GPHN: variants seen among roughly 807,000 people sequenced by gnomAD.
The protein encoded by GPHN is gephyrin.
GPHN carries 17 observed loss-of-function variants against 95.5 expected under a neutral mutation model. The observed-to-expected ratio is 0.18, with a 90% CI of 0.12 to 0.27. GPHN has a LOEUF of 0.27. Among genes scored for constraint, GPHN ranks in the 10% least tolerant of loss-of-function variants. The probability of loss-of-function intolerance (pLI) is 1.00; values close to 1 mark genes in which losing one functional copy is unlikely to be tolerated. For missense variants in GPHN, 660 were observed against 978.1 expected, an observed-to-expected ratio of 0.67 and a Z score of 4.34; for synonymous variants, 320 against 322.5, an observed-to-expected ratio of 0.99 and a Z score of 0.08.
intron 5 of GPHN, among the ~76,000 whole-genome samples, chr14:66,897,537 G>A (rs1372176625): frequency 6.6e-6 from 1 of 151,876 alleles, no homozygotes; most frequent in African/African-American, 2.4e-5. Flanking sequence ...CTATTTTCTA[G>A]TTCAATATTT....
the GPHN span, among the ~76,000 whole-genome samples, chr14:67,229,647 T>C: frequency 4.6e-5 from 7 of 152,168 alleles, no homozygotes; most frequent in African/African-American, 1.7e-4. Flanking sequence ...GATTTGGAAG[T>C]CTTTGAGAAA....
At chr14:67,020,675 T>C (rs1314060482) in intron 9 of GPHN, among the ~76,000 whole-genome samples, 1 of 152,178 alleles carries the variant, frequency 6.6e-6, no homozygotes, top group East Asian at 1.9e-4. Flanking sequence ...ATTTTCTCCA[T>C]TGACTTTAAT....
chr14:66,558,015 T>C (rs1594955629), intron 1 of GPHN, among the ~76,000 whole-genome samples: 1 of 152,254 alleles, frequency 6.6e-6, no homozygotes, highest in Admixed American at 6.5e-5. Context: ...TTTAAGTATA[T>C]AATTATTATT....
At chr14:67,688,555 G>A in the GPHN span, among the ~76,000 whole-genome samples, 1 of 151,732 alleles carries the variant, frequency 6.6e-6, no homozygotes, top group East Asian at 1.9e-4. Context: ...AAATGAAGGT[G>A]GTTTTTCACC....
At chr14:67,534,450 G>C in the GPHN span, among the ~76,000 whole-genome samples, 11 of 152,146 alleles carry the variant, frequency 7.2e-5, no homozygotes, top group African/African-American at 2.7e-4. Flanking sequence ...GCTGGGTGTG[G>C]TGGTGTGGGC....
At chr14:66,889,703 A>T (rs542830546) in intron 5 of GPHN, among the ~76,000 whole-genome samples, 1 of 152,098 alleles carries the variant, frequency 6.6e-6, no homozygotes, top group African/African-American at 2.4e-5. Flanking sequence ...CTATAAGTTA[A>T]GAAACTAGAA....
chr14:66,516,934 A>G (rs1057152878), intron 1 of GPHN, among the ~76,000 whole-genome samples: 1 of 152,002 alleles, frequency 6.6e-6, no homozygotes, highest in African/African-American at 2.4e-5. Context: ...GATTGAGACC[A>G]TCCTGGCCAA....
chr14:67,559,688 A>C, the GPHN span: 39 of 1,602,084 alleles, frequency 2.4e-5, no homozygotes, highest in Admixed American at 4.9e-4. Context: ...TCAAGTTGGC[A>C]AAGGTGGGTT....
chr14:66,674,364 C>T (rs957991449), intron 1 of GPHN, among the ~76,000 whole-genome samples: 1 of 152,110 alleles, frequency 6.6e-6, no homozygotes, highest in African/African-American at 2.4e-5. Context: ...TCCCAAAGTG[C>T]TGGGTTACAG....
At chr14:66,745,684 TAA>T (rs2058116937) in intron 2 of GPHN, among the ~76,000 whole-genome samples, 3 of 152,064 alleles carry the variant, frequency 2.0e-5, no homozygotes, top group South Asian at 4.1e-4. Context: ...AATAGTCCAC[TAA>T]GACTTTTATT....
chr14:67,504,378 T>C, the GPHN span, among the ~76,000 whole-genome samples: 56 of 152,320 alleles, frequency 3.7e-4, no homozygotes, highest in African/African-American at 1.3e-3. Flanking sequence ...TGAGAAAGCA[T>C]GTTTACTGTA....
intron 1 of GPHN, among the ~76,000 whole-genome samples, chr14:66,667,979 G>A (rs371114450): frequency 9.9e-5 from 15 of 152,186 alleles, no homozygotes; most frequent in African/African-American, 3.1e-4. Flanking sequence ...TGCAAAGGAC[G>A]TGGATACTTC....
chr14:67,010,737 A>C (rs1252970283), intron 9 of GPHN, among the ~76,000 whole-genome samples: 1 of 152,046 alleles, frequency 6.6e-6, no homozygotes, highest in Non-Finnish European at 1.5e-5. Context: ...GTTTGATACA[A>C]TTATATTGCC....
intron 1 of GPHN, among the ~76,000 whole-genome samples, chr14:66,677,006 T>A (rs1162412653): frequency 1.3e-5 from 2 of 152,088 alleles, no homozygotes; most frequent in South Asian, 2.1e-4. Context: ...TCTTCCTGAT[T>A]TAATTTGTGA....
chr14:67,542,328 G>C, the GPHN span, among the ~76,000 whole-genome samples: 3 of 152,042 alleles, frequency 2.0e-5, no homozygotes, highest in African/African-American at 7.3e-5. Flanking sequence ...ACGGTGTTTC[G>C]GGAGAAAACA....
At chr14:67,685,249 T>C in the GPHN span, 1 of 1,540,236 alleles carries the variant, frequency 6.5e-7, no homozygotes, top group African/African-American at 1.4e-5. Flanking sequence ...GGACTTGATT[T>C]TGCAGAATAG....
chr14:67,054,091 A>T (rs531162146), intron 10 of GPHN, among the ~76,000 whole-genome samples: 1 of 152,196 alleles, frequency 6.6e-6, no homozygotes, highest in Middle Eastern at 3.2e-3. Flanking sequence ...TATTCAACAT[A>T]GAATTGGAAA....
chr14:67,275,741 C>T, the GPHN span, among the ~76,000 whole-genome samples: 2 of 152,130 alleles, frequency 1.3e-5, no homozygotes, highest in African/African-American at 2.4e-5. Context: ...GCTGCGAATC[C>T]ATTTGGTCCT....
intron 18 of GPHN, among the ~76,000 whole-genome samples, chr14:67,152,457 T>TA (rs2081336754): frequency 7.2e-6 from 1 of 139,476 alleles, no homozygotes; most frequent in Non-Finnish European, 1.5e-5. Context: ...TCCAAGACTT[T>TA]ATTTAACTCA....
Sources: allele counts gnomAD v4.1 joint callset (sites outside exome capture counted in the v4.1 genomes callset), GRCh38; gene constraint gnomAD v4.1.1; transcripts MANE v1.5; gene names NCBI Gene and HGNC (gene_info 2026-07-23, HGNC 2026-07-21).